Variants in SGCG observed in about 807,000 individuals in gnomAD.
The protein encoded by SGCG is gamma-sarcoglycan.
A neutral mutation model predicts 29.3 loss-of-function variants in SGCG; 26 were observed. The ratio of observed to expected loss-of-function variants is 0.89; its 90% CI spans 0.65 to 1.23. SGCG has a LOEUF of 1.23. SGCG is among the 50% of genes most tolerant of loss of function. The pLI is 0.00. For synonymous variants in SGCG, 145 were observed against 129.7 expected, an observed-to-expected ratio of 1.12 and a Z score of -0.80; for missense variants, 353 against 356.0, an observed-to-expected ratio of 0.99 and a Z score of 0.07.
chr13:23,247,444 C>CA (rs1879757383), intron 3 of SGCG, among the ~76,000 whole-genome samples: 1 of 151,976 alleles, frequency 6.6e-6, no homozygotes, highest in Admixed American at 6.6e-5. Context: ...TTCTTCCCAG[C>CA]AAAAATGCCT....
chr13:23,268,771 T>C (rs148243470), intron 4 of SGCG: 21 of 152,086 alleles, frequency 1.4e-4, no homozygotes, highest in African/African-American at 4.8e-4. Flanking sequence ...TTCCAGAAAA[T>C]CTACATGGCC....
chr13:23,234,510 G>C (rs1308121782), intron 2 of SGCG, 101 bp from the exon 3 acceptor site: 2 of 797,168 alleles, frequency 2.5e-6, no homozygotes, highest in Non-Finnish European at 4.4e-6. Flanking sequence ...AAAGGTGGTA[G>C]GCAATATATG....
At chr13:23,239,069 AC>A (rs1357226925) in intron 3 of SGCG, among the ~76,000 whole-genome samples, 2 of 152,178 alleles carry the variant, frequency 1.3e-5, no homozygotes, top group Non-Finnish European at 2.9e-5. Flanking sequence ...AATAAAGTGT[AC>A]TTTTTTTCCA....
chr13:23,320,769 A>C lies in SGCG; in HGVS notation c.702+9A>C. 6.2e-7 allele frequency: 1 copy of C among 1,612,668 alleles called. No homozygotes were observed. The highest frequency in any genetic ancestry group is 8.5e-7 in the Non-Finnish European group (1 of 1,178,984). ...ATAGTAGTGATGGAATGGTGAGTTC[A>C]TTCACAGATCAGCCTCCTACTGTAT... On this transcript the variant is annotated intron_variant, in intron 7 of 7. Coordinates refer to ENST00000218867, the MANE Select transcript of SGCG (RefSeq NM_000231.3).
chr13:23,168,488 A>G, the SGCG span, among the ~76,000 whole-genome samples: 1 of 152,208 alleles, frequency 6.6e-6, no homozygotes, highest in Admixed American at 6.5e-5. Flanking sequence ...GACCAAAGAC[A>G]GCAGTAGTAG....
At chr13:23,212,137 C>T (rs1330612916) in intron 2 of SGCG, among the ~76,000 whole-genome samples, 1 of 152,052 alleles carries the variant, frequency 6.6e-6, no homozygotes, top group African/African-American at 2.4e-5. Flanking sequence ...TTGAGGCCTC[C>T]CCAGAAGCCA....
At chr13:23,239,321 C>T (rs780607669) in intron 3 of SGCG, among the ~76,000 whole-genome samples, 8 of 151,982 alleles carry the variant, frequency 5.3e-5, no homozygotes, top group Non-Finnish European at 1.2e-4. Flanking sequence ...ACTGAAGCAC[C>T]GACTTTAAAG....
chr13:23,165,431 A>G, the SGCG span, among the ~76,000 whole-genome samples: 1 of 152,236 alleles, frequency 6.6e-6, no homozygotes, highest in Non-Finnish European at 1.5e-5. Context: ...TGGATAAAAA[A>G]GAACAAAACC....
intron 3 of SGCG, among the ~76,000 whole-genome samples, chr13:23,238,631 G>A (rs1464445316): frequency 6.6e-6 from 1 of 152,170 alleles, no homozygotes; most frequent in African/African-American, 2.4e-5. Flanking sequence ...CTTGAAAGTG[G>A]CATGCTTTTT....
intron 5 of SGCG, among the ~76,000 whole-genome samples, chr13:23,290,424 T>C (rs1384645894): frequency 6.6e-6 from 1 of 152,152 alleles, no homozygotes; most frequent in Non-Finnish European, 1.5e-5. Flanking sequence ...GGAGGGATAT[T>C]ACGATAATCG....
In SGCG at chr13:23,324,706, T is replaced by G. The variant is rs1490937852; in HGVS notation, c.*165T>G. ...CCAGTGAAAGTGTTTGGACAAAAAC[T>G]ACATGATCTCAAAATGCACGTGGAT... On this transcript the variant is annotated 3_prime_UTR_variant, in exon 8 of 8. Coordinates refer to ENST00000218867, the MANE Select transcript of SGCG (RefSeq NM_000231.3). 1 of 664,442 alleles carries G rather than the reference T, an allele frequency of 1.5e-6. No individual in the cohort carries two copies. Among genetic ancestry groups the G allele is most frequent in the Non-Finnish European group, 2.7e-6 (1 of 372,440 alleles). The allele number at this position is 664,442 out of a possible 1,614,324, so 41.2% of individuals were successfully genotyped here.
chr13:23,223,401 A>G (rs1878763197), intron 2 of SGCG, among the ~76,000 whole-genome samples: 1 of 152,062 alleles, frequency 6.6e-6, no homozygotes, highest in Admixed American at 6.6e-5. Context: ...TTAGGTTGAT[A>G]TTTGAAAAAT....
At chr13:23,312,657 C>T (rs1286359486) in intron 6 of SGCG, among the ~76,000 whole-genome samples, 1 of 152,078 alleles carries the variant, frequency 6.6e-6, no homozygotes, top group African/African-American at 2.4e-5. Flanking sequence ...ACAGTGCATG[C>T]CATTCGGGCA....
At chr13:23,178,578 A>G (rs1876631139), upstream of SGCG, among the ~76,000 whole-genome samples, 1 of 152,170 alleles carries the variant, frequency 6.6e-6, no homozygotes, top group Non-Finnish European at 1.5e-5. Context: ...CCATATATTT[A>G]TAACTTCATT....
intron 2 of SGCG, among the ~76,000 whole-genome samples, chr13:23,216,129 A>T (rs1878419109): frequency 6.6e-6 from 1 of 152,126 alleles, no homozygotes; most frequent in Non-Finnish European, 1.5e-5. Context: ...CTCAAGATGC[A>T]CCCTTCCAGC....
At chr13:23,180,133 A>G (rs1394397124), upstream of SGCG, among the ~76,000 whole-genome samples, 1 of 152,194 alleles carries the variant, frequency 6.6e-6, no homozygotes, top group Non-Finnish European at 1.5e-5. Context: ...ACTAAAATGC[A>G]AATATGAAGT....
chr13:23,235,781 T>G (rs1195689262), intron 3 of SGCG, among the ~76,000 whole-genome samples: 1 of 152,238 alleles, frequency 6.6e-6, no homozygotes, highest in Non-Finnish European at 1.5e-5. Flanking sequence ...TTTCTGAATA[T>G]GAAAGGGTAT....
At chr13:23,265,451 C>T (rs562718588) in intron 4 of SGCG, among the ~76,000 whole-genome samples, 3 of 152,202 alleles carry the variant, frequency 2.0e-5, no homozygotes, top group East Asian at 1.9e-4. Flanking sequence ...GTTGCACGCA[C>T]CTGTAGTCCC....
intron 4 of SGCG, among the ~76,000 whole-genome samples, chr13:23,276,307 A>T (rs1346870013): frequency 6.6e-6 from 1 of 151,830 alleles, no homozygotes. Flanking sequence ...TGCAGGGTCT[A>T]TTTTTAATAA....
Sources: gnomAD v4.1 joint callset for allele counts (sites outside exome capture counted in the v4.1 genomes callset) on GRCh38, gnomAD v4.1.1 for gene constraint, MANE v1.5 for transcripts, NCBI Gene and HGNC (gene_info 2026-07-23, HGNC 2026-07-21) for gene names.